The following PDE1C variants were observed in gnomAD, a reference collection of about 807,000 sequenced individuals.
PDE1C encodes the protein dual specificity calcium/calmodulin-dependent 3',5'-cyclic nucleotide phosphodiesterase 1C.
A neutral mutation model predicts 93.1 loss-of-function variants in PDE1C; 62 were observed. That is an observed-to-expected ratio of 0.67 (90% CI 0.54 to 0.82). PDE1C has a LOEUF of 0.82. Among genes scored for constraint, PDE1C ranks in the 40% least tolerant of loss-of-function variants. The pLI, the probability that PDE1C is intolerant of heterozygous loss-of-function variation, is 0.00. For synonymous variants in PDE1C, 325 were observed against 310.1 expected, an observed-to-expected ratio of 1.05 and a Z score of -0.50; for missense variants, 742 against 884.6, an observed-to-expected ratio of 0.84 and a Z score of 2.04.
chr7:32,178,215 C>A (rs1454476797), intron 2 of PDE1C, among the ~76,000 whole-genome samples: 1 of 152,164 alleles, frequency 6.6e-6, no homozygotes, highest in Non-Finnish European at 1.5e-5. Context: ...AGAATCTAAT[C>A]TGCTACTCAT....
chr7:32,312,090 A>G (rs1247073982), intron 1 of PDE1C, among the ~76,000 whole-genome samples: 2 of 151,600 alleles, frequency 1.3e-5, no homozygotes, highest in East Asian at 3.9e-4. Flanking sequence ...CAAAAATCAC[A>G]AGCATTCTTA....
At chr7:32,326,471 G>A (rs1248490295) in intron 1 of PDE1C, among the ~76,000 whole-genome samples, 1 of 152,210 alleles carries the variant, frequency 6.6e-6, no homozygotes. Flanking sequence ...AGGCTGTACA[G>A]GGCGAGTCAG....
At chr7:32,064,532 C>T (rs1443122605) in intron 1 of PDE1C, among the ~76,000 whole-genome samples, 5 of 152,292 alleles carry the variant, frequency 3.3e-5, no homozygotes, top group Admixed American at 6.5e-5. Context: ...CTCCAGGCCT[C>T]GAGTCGCATC....
chr7:32,226,319 A>C (rs1807265913), intron 1 of PDE1C, among the ~76,000 whole-genome samples: 1 of 152,196 alleles, frequency 6.6e-6, no homozygotes, highest in Non-Finnish European at 1.5e-5. Flanking sequence ...AACTAAATGA[A>C]CTAACATAAA....
chr7:31,686,787 G>A, the PDE1C span: 1 of 152,134 alleles, frequency 6.6e-6, no homozygotes, highest in African/African-American at 2.4e-5. Context: ...GTTAGCAGTA[G>A]CTACCCTTCT....
At chr7:31,713,127 C>T in the PDE1C span, among the ~76,000 whole-genome samples, 1 of 152,212 alleles carries the variant, frequency 6.6e-6, no homozygotes, top group African/African-American at 2.4e-5. Context: ...TGGGACAAGG[C>T]AAGTCCCTTC....
intron 5 of PDE1C, among the ~76,000 whole-genome samples, chr7:31,876,049 T>G (rs2128870633): frequency 6.6e-6 from 1 of 151,806 alleles, no homozygotes; most frequent in Non-Finnish European, 1.5e-5. Flanking sequence ...CCATATGAAC[T>G]TCTGGCAATG....
intron 1 of PDE1C, among the ~76,000 whole-genome samples, chr7:32,222,367 C>T (rs1445208609): frequency 6.6e-6 from 1 of 152,304 alleles, no homozygotes; most frequent in Non-Finnish European, 1.5e-5. Context: ...AGCAGAGCTA[C>T]ACCTTTGCAT....
At chr7:32,027,250 C>G (rs1235807177) in intron 2 of PDE1C, among the ~76,000 whole-genome samples, 2 of 152,062 alleles carry the variant, frequency 1.3e-5, no homozygotes, top group African/African-American at 4.8e-5. Context: ...GTGGGGGAAG[C>G]TGCACATGTG....
chr7:31,733,351 C>T, the PDE1C span, among the ~76,000 whole-genome samples: 1 of 152,106 alleles, frequency 6.6e-6, no homozygotes, highest in Admixed American at 6.5e-5. Context: ...GGTGAGAAGA[C>T]CAGGGTGGTG....
chr7:32,189,001 A>C (rs1386567392), intron 2 of PDE1C, among the ~76,000 whole-genome samples: 1 of 152,208 alleles, frequency 6.6e-6, no homozygotes, highest in Non-Finnish European at 1.5e-5. Context: ...TAGAAGCAAG[A>C]ATGGGACTCA....
rs1810228747 is a variant in PDE1C at position 32,261,887 on chromosome 7, G to A, written c.85+36764C>T. On this transcript the variant is annotated intron_variant, in intron 1 of 18. Coordinates refer to the PDE1C transcript ENST00000396193. ...CCAGTTTTAAAATATTGTTCTTAAG[G>A]AGAAAAAACACTAATGGGCTAAAAT... Among the ~76,000 whole-genome samples, 4 of 151,958 alleles carry A rather than the reference G, an allele frequency of 2.6e-5. No individual in the cohort carries two copies. In the South Asian group the frequency reaches 8.3e-4, roughly 32 times the overall value.
chr7:31,963,221 T>G (rs2129035548), intron 2 of PDE1C, among the ~76,000 whole-genome samples: 1 of 152,340 alleles, frequency 6.6e-6, no homozygotes, highest in South Asian at 2.1e-4. Context: ...TATTATCTTA[T>G]TCAATCCTCA....
chr7:31,876,965 G>A (rs1474587130), intron 5 of PDE1C, among the ~76,000 whole-genome samples: 1 of 152,132 alleles, frequency 6.6e-6, no homozygotes, highest in Non-Finnish European at 1.5e-5. Flanking sequence ...GTCCCAAGGG[G>A]CTCTTTCTTG....
intron 1 of PDE1C, among the ~76,000 whole-genome samples, chr7:32,255,318 C>T (rs1002946915): frequency 1.3e-4 from 20 of 152,148 alleles, no homozygotes; most frequent in Admixed American, 3.9e-4. Context: ...GAGCAGCAGA[C>T]GCAGGGGAGG....
At chr7:32,217,633 C>A (rs115262946) in intron 1 of PDE1C, among the ~76,000 whole-genome samples, 3,407 of 152,232 alleles carry the variant, frequency 0.022, 134 homozygotes, top group African/African-American at 0.076. Flanking sequence ...TGACCAAAGC[C>A]TGCCATGGTT....
chr7:32,301,267 G>A (rs1251924252), upstream of PDE1C, among the ~76,000 whole-genome samples: 2 of 151,896 alleles, frequency 1.3e-5, no homozygotes, highest in African/African-American at 2.4e-5. Flanking sequence ...TAAGTCCTCA[G>A]CTGAGGAACC....
intron 2 of PDE1C, among the ~76,000 whole-genome samples, chr7:31,895,390 T>C (rs10253230): frequency 0.12 from 18,043 of 151,970 alleles, 1,294 homozygotes; most frequent in Admixed American, 0.22. Flanking sequence ...AGACAAGAGA[T>C]ATCACCATGG....
chr7:32,397,155 T>C (rs980634932), intron 1 of PDE1C, among the ~76,000 whole-genome samples: 90 of 152,192 alleles, frequency 5.9e-4, no homozygotes, highest in African/African-American at 2.1e-3. Context: ...TACTTTCATG[T>C]GACAAAAAAT....
Sources: gnomAD v4.1 joint callset for allele counts (sites outside exome capture counted in the v4.1 genomes callset) on GRCh38, gnomAD v4.1.1 for gene constraint, MANE v1.5 for transcripts, NCBI Gene and HGNC (gene_info 2026-07-23, HGNC 2026-07-21) for gene names.